UTRN: variants seen among roughly 807,000 people sequenced by gnomAD.
The protein encoded by UTRN is dystrophin-related protein 1.
UTRN carries 283 observed loss-of-function variants against 463.9 expected under a neutral mutation model. That is an observed-to-expected ratio of 0.61 (90% CI 0.55 to 0.67). UTRN has a LOEUF of 0.67. Ranked by LOEUF, UTRN falls within the 30% of genes least tolerant of loss-of-function variation. The pLI is 0.00. For synonymous variants in UTRN, 1,442 were observed against 1,431.5 expected, an observed-to-expected ratio of 1.01 and a Z score of -0.17; for missense variants, 3,922 against 4,084.3, an observed-to-expected ratio of 0.96 and a Z score of 1.08.
chr6:144,795,050 T>C (rs1777089523), intron 63 of UTRN, among the ~76,000 whole-genome samples: 1 of 152,146 alleles, frequency 6.6e-6, no homozygotes, highest in Non-Finnish European at 1.5e-5. Context: ...GGCCCCAGTG[T>C]GTGATGTTCC....
intron 54 of UTRN, among the ~76,000 whole-genome samples, chr6:144,742,930 A>G (rs535732210): frequency 8.5e-5 from 13 of 152,370 alleles, no homozygotes; most frequent in Admixed American, 3.3e-4. Context: ...AGCAAATAGT[A>G]TAAATAAGGT....
At chr6:144,783,108 ATC>A (rs753561293) in intron 61 of UTRN, among the ~76,000 whole-genome samples, 2 of 151,960 alleles carry the variant, frequency 1.3e-5, no homozygotes, top group South Asian at 2.1e-4. Context: ...AGGCAGGAGA[ATC>A]TCTTGAACTC....
At chr6:144,759,017 G>A (rs1792332053) in intron 58 of UTRN, among the ~76,000 whole-genome samples, 1 of 152,060 alleles carries the variant, frequency 6.6e-6, no homozygotes, top group Non-Finnish European at 1.5e-5. Context: ...GTTGTGTGAA[G>A]TCCATGTTGG....
chr6:144,485,924 A>G (rs376240852), intron 28 of UTRN, among the ~76,000 whole-genome samples: 148 of 152,282 alleles, frequency 9.7e-4, no homozygotes, highest in African/African-American at 3.3e-3. Context: ...TCTTACCTTC[A>G]GATGCTAGAA....
intron 52 of UTRN, among the ~76,000 whole-genome samples, chr6:144,685,433 T>A (rs1782650627): frequency 6.6e-6 from 1 of 152,210 alleles, no homozygotes; most frequent in East Asian, 1.9e-4. Context: ...GATGTACTTT[T>A]AGTTCTTTGA....
chr6:144,536,950 T>G lies in UTRN; in HGVS notation c.6234-632T>G, dbSNP rs185245973. ...ACTGTTTTCCTTGCATCATTTAAAA[T>G]TTTTGCTTTGTTTTTTTCTATATCT... is the stretch of plus-strand genomic sequence containing the variant. On this transcript the variant is annotated intron_variant, in intron 43 of 74. Transcript: ENST00000367545. 5.4e-3 allele frequency among the ~76,000 whole-genome samples: 825 copies of G among 152,180 alleles called. 3 individuals carry two copies. Among genetic ancestry groups the G allele is most frequent in the Middle Eastern group, 0.01 (3 of 288 alleles).
intron 50 of UTRN, among the ~76,000 whole-genome samples, chr6:144,566,242 G>T (rs572305717): frequency 6.6e-6 from 1 of 152,262 alleles, no homozygotes; most frequent in East Asian, 1.9e-4. Context: ...TTGGAGGTAG[G>T]ACTAAGAGAA....
At chr6:144,786,024 A>G (rs1337813793) in intron 61 of UTRN, among the ~76,000 whole-genome samples, 1 of 152,216 alleles carries the variant, frequency 6.6e-6, no homozygotes, top group Non-Finnish European at 1.5e-5. Flanking sequence ...TATTCCAAAG[A>G]TGGTATAATT....
chr6:144,665,276 C>G (rs933812148), intron 51 of UTRN, among the ~76,000 whole-genome samples: 3 of 152,092 alleles, frequency 2.0e-5, no homozygotes, highest in African/African-American at 4.8e-5. Context: ...TGTTTCCTGT[C>G]AGAGATTTCA....
intron 2 of UTRN, among the ~76,000 whole-genome samples, chr6:144,331,739 A>T (rs2114607624): frequency 6.6e-6 from 1 of 152,282 alleles, no homozygotes; most frequent in East Asian, 1.9e-4. Flanking sequence ...CATGATACAT[A>T]CTATGTGCTG....
Position 144,730,240 on chromosome 6 carries a change from T to C in UTRN, c.7810-117T>C, listed in dbSNP as rs960984739. The C allele has an allele frequency of 1.6e-5, 18 of 1,159,980 alleles. No individual in the cohort carries two copies. The Admixed American group carries it at 2.1e-4, about 14-fold the overall frequency. 71.9% of individuals were successfully genotyped at this position (1,159,980 alleles called of 1,614,324 possible). A position where few individuals can be genotyped will look rare whatever the true frequency, so the allele number is the denominator to read the frequency against. On this transcript the variant is annotated intron_variant, in intron 53 of 74. Coordinates refer to ENST00000367545, the MANE Select transcript of UTRN (RefSeq NM_007124.3). ...ATTTTGGCTTCTAACTTAGCTGAAA[T>C]GCTTGCTATTAGTCATTTTCTTGCT...
chr6:144,398,224 G>A lies in UTRN; in HGVS notation c.80-4899G>A, dbSNP rs367997284. On this transcript the variant is annotated intron_variant, in intron 2 of 74. Coordinates refer to ENST00000367545, the MANE Select transcript of UTRN (RefSeq NM_007124.3). ...ACCTGGCTTTGGAAGGTACTGTGCT[G>A]TAGGTTTTTCCAGGAGTTTTGTTTG... 113 of 268,024 alleles carry A rather than the reference G, an allele frequency of 4.2e-4. 1 individual carries two copies. The highest frequency in any genetic ancestry group is 2.4e-3 in the African/African-American group (106 of 43,714). The allele number at this position is 268,024 out of a possible 1,614,324, so 16.6% of individuals were successfully genotyped here. A position where few individuals can be genotyped will look rare whatever the true frequency, so the allele number is the denominator to read the frequency against.
chr6:144,344,702 A>G (rs964220019), intron 2 of UTRN, among the ~76,000 whole-genome samples: 6 of 152,178 alleles, frequency 3.9e-5, no homozygotes, highest in African/African-American at 1.4e-4. Flanking sequence ...CTCATCCCAT[A>G]TTGTATTTGA....
At position 144,474,631 on chromosome 6, in the gene UTRN, G is replaced by C. The variant is rs201849459; in HGVS notation, c.3208G>C (p.Glu1070Gln). 10 of 1,613,160 alleles carry C rather than the reference G, an allele frequency of 6.2e-6. No individual in the cohort carries two copies. Among genetic ancestry groups the C allele is most frequent in the Middle Eastern group, 1.7e-4 (1 of 6,056 alleles). ...SAFVNEIETI[E>Q]SSLKNMKEIE... is the part of the protein sequence containing the mutation. ...ATTTGTTAATGAAATAGAAACAATT[G>C]AATCATCTCTGAAAAACATGAAGGA... The change falls in exon 25 of 75, where the codon GAA (glutamate) becomes CAA (glutamine). Residue 1070 changes from glutamate to glutamine, a missense_variant. Coordinates refer to ENST00000367545, the MANE Select transcript of UTRN (RefSeq NM_007124.3).
chr6:144,597,428 C>A (rs1404390119), intron 51 of UTRN, among the ~76,000 whole-genome samples: 1 of 152,002 alleles, frequency 6.6e-6, no homozygotes, highest in Non-Finnish European at 1.5e-5. Context: ...AGAGTTGATA[C>A]CCTCATTTAT....
At chr6:144,405,645 T>A (rs1783327657) in intron 3 of UTRN, among the ~76,000 whole-genome samples, 1 of 152,208 alleles carries the variant, frequency 6.6e-6, no homozygotes, top group African/African-American at 2.4e-5. Context: ...AGGACCTCTG[T>A]GCTGAGAAAT....
intron 51 of UTRN, among the ~76,000 whole-genome samples, chr6:144,578,521 G>A (rs1024516376): frequency 6.6e-6 from 1 of 152,094 alleles, no homozygotes; most frequent in African/African-American, 2.4e-5. Flanking sequence ...TTTTAGTAGA[G>A]ATGGGGTTTC....
chr6:144,656,674 T>C (rs1177772084), intron 51 of UTRN, among the ~76,000 whole-genome samples: 1 of 152,240 alleles, frequency 6.6e-6, no homozygotes, highest in African/African-American at 2.4e-5. Context: ...AGTCTTTTAA[T>C]GTATCAGTTA....
intron 54 of UTRN, among the ~76,000 whole-genome samples, chr6:144,745,446 A>G (rs571414742): frequency 6.6e-6 from 1 of 152,244 alleles, no homozygotes; most frequent in South Asian, 2.1e-4. Context: ...TAAAGTATGC[A>G]TTCAGCTGAG....
Sources: allele counts gnomAD v4.1 joint callset (sites outside exome capture counted in the v4.1 genomes callset), GRCh38; gene constraint gnomAD v4.1.1; transcripts MANE v1.5; gene names NCBI Gene and HGNC (gene_info 2026-07-23, HGNC 2026-07-21).